Variants in KRABD1 observed in about 807,000 individuals in gnomAD.
KRABD1 encodes the protein KRAB domain-containing protein 1.
chr3:42,941,373 G>A, the KRABD1 span: 1 of 1,560,628 alleles, frequency 6.4e-7, no homozygotes. Context: ...TCTGCTGCTG[G>A]TTTCTGCTTG....
the KRABD1 span, among the ~76,000 whole-genome samples, chr3:42,939,304 A>G: frequency 1.9e-4 from 29 of 152,330 alleles, no homozygotes; most frequent in South Asian, 5.6e-3. Flanking sequence ...TGAACTTCGT[A>G]TAAGTGGAAT....
the KRABD1 span, chr3:42,939,040 A>G: frequency 6.7e-6 from 5 of 747,854 alleles, no homozygotes; most frequent in Non-Finnish European, 1.0e-5. Context: ...TATATATAAC[A>G]TACTTTTATA....
At chr3:42,940,774 C>G in the KRABD1 span, among the ~76,000 whole-genome samples, 2 of 152,274 alleles carry the variant, frequency 1.3e-5, no homozygotes, top group East Asian at 3.9e-4. Context: ...TAGGCAAGAA[C>G]GAAGGATTAG....
chr3:42,941,422 G>A, the KRABD1 span: 1 of 1,447,314 alleles, frequency 6.9e-7, no homozygotes, highest in East Asian at 2.5e-5. Context: ...ATTATTAGCT[G>A]ACCCCAAATA....
the KRABD1 span, chr3:42,941,145 GC>G: frequency 7.4e-7 from 1 of 1,346,674 alleles, no homozygotes; most frequent in Non-Finnish European, 1.0e-6. Context: ...ATTTGTAGAT[GC>G]CCTTCTCAGG....
At chr3:42,940,621 T>C in the KRABD1 span, among the ~76,000 whole-genome samples, 1 of 152,246 alleles carries the variant, frequency 6.6e-6, no homozygotes, top group Admixed American at 6.5e-5. Context: ...ATGCACCAAG[T>C]TGGTCTAGAC....
the KRABD1 span, chr3:42,942,542 C>G: frequency 8.4e-7 from 1 of 1,188,124 alleles, no homozygotes; most frequent in Non-Finnish European, 1.1e-6. Flanking sequence ...CTCTAGGATA[C>G]TTGGAACTAA....
the KRABD1 span, chr3:42,942,076 G>A: frequency 1.3e-6 from 2 of 1,525,328 alleles, no homozygotes; most frequent in East Asian, 2.4e-5. Context: ...GGATAGGTGA[G>A]TTAAGCAAGA....
chr3:42,936,943 A>G, the KRABD1 span: 1 of 152,120 alleles, frequency 6.6e-6, no homozygotes, highest in African/African-American at 2.4e-5. Flanking sequence ...AGAATACCGA[A>G]TTGTATTCCC....
At chr3:42,938,642 A>T in the KRABD1 span, 1 of 365,368 alleles carries the variant, frequency 2.7e-6, no homozygotes, top group Admixed American at 3.8e-5. Flanking sequence ...TTCTCAGTCC[A>T]CTTTTTCATC....
At chr3:42,942,393 A>G in the KRABD1 span, 1 of 443,398 alleles carries the variant, frequency 2.3e-6, no homozygotes, top group Non-Finnish European at 4.0e-6. Context: ...AACTTGGTGC[A>G]GTATTATCTT....
At chr3:42,940,631 C>A in the KRABD1 span, among the ~76,000 whole-genome samples, 1 of 152,128 alleles carries the variant, frequency 6.6e-6, no homozygotes, top group South Asian at 2.1e-4. Context: ...TTGGTCTAGA[C>A]CCTAGCCTTT....
chr3:42,940,290 C>G, the KRABD1 span, among the ~76,000 whole-genome samples: 1 of 152,128 alleles, frequency 6.6e-6, no homozygotes, highest in Admixed American at 6.6e-5. Flanking sequence ...ACATATATGT[C>G]TGTGTCTGTT....
the KRABD1 span, chr3:42,938,922 C>A: frequency 6.5e-7 from 1 of 1,531,866 alleles, no homozygotes; most frequent in Non-Finnish European, 8.7e-7. Context: ...CCTTAACAAC[C>A]AGGCCCCAGG....
chr3:42,941,863 C>A, the KRABD1 span: 1 of 752,534 alleles, frequency 1.3e-6, no homozygotes, highest in Non-Finnish European at 2.3e-6. Context: ...GAATTACTCT[C>A]CTCACCTCCC....
chr3:42,942,675 A>G, the KRABD1 span: 1 of 907,536 alleles, frequency 1.1e-6, no homozygotes, highest in Non-Finnish European at 1.6e-6. Flanking sequence ...CCAGTTTTCC[A>G]AGTAAGGAGT....
chr3:42,939,438 G>C, the KRABD1 span, among the ~76,000 whole-genome samples: 7 of 152,050 alleles, frequency 4.6e-5, no homozygotes, highest in Admixed American at 3.3e-4. Flanking sequence ...TTTTCATTTT[G>C]TGATAATAGC....
chr3:42,938,863 T>G, the KRABD1 span: 1 of 1,512,446 alleles, frequency 6.6e-7, no homozygotes, highest in South Asian at 1.2e-5. Context: ...CTGAGACTTT[T>G]ACCTTTACCC....
At chr3:42,942,431 A>G in the KRABD1 span, 1 of 428,786 alleles carries the variant, frequency 2.3e-6, no homozygotes, top group Non-Finnish European at 4.1e-6. Flanking sequence ...ACAAGTAGAA[A>G]AATTTATTTT....
Sources: allele counts gnomAD v4.1 joint callset (sites outside exome capture counted in the v4.1 genomes callset), GRCh38; gene constraint gnomAD v4.1.1; transcripts MANE v1.5; gene names NCBI Gene and HGNC (gene_info 2026-07-23, HGNC 2026-07-21).